The following PKHD1L1 variants were observed in gnomAD, a reference collection of about 807,000 sequenced individuals.
PKHD1L1 encodes the protein PKHD1 like 1, also known as fibrocystin-L.
A neutral mutation model predicts 462.9 loss-of-function variants in PKHD1L1; 434 were observed. The ratio of observed to expected loss-of-function variants is 0.94; its 90% CI spans 0.87 to 1.02. The LOEUF (loss-of-function observed/expected upper bound fraction) is 1.02. Ranked by LOEUF, PKHD1L1 falls within the 50% of genes least tolerant of loss-of-function variation. PKHD1L1 has a pLI of 0.00. For synonymous variants in PKHD1L1, 1,781 were observed against 1,750.0 expected, an observed-to-expected ratio of 1.02 and a Z score of -0.44; for missense variants, 5,202 against 5,096.1, an observed-to-expected ratio of 1.02 and a Z score of -0.63.
rs71305953 is a variant in PKHD1L1 at position 109,498,087 on chromosome 8, CTTTTTTTTTTTTTTTT to C, written c.10600-365_10600-350del. 5.1e-5 allele frequency among the ~76,000 whole-genome samples: 3 copies of C among 58,960 alleles called. 1 individual carries two copies. Among genetic ancestry groups the C allele is most frequent in the African/African-American group, 2.3e-4 (3 of 13,068 alleles). 38.7% of individuals were successfully genotyped at this position (58,960 alleles called of 152,430 possible). A position where few individuals can be genotyped will look rare whatever the true frequency, so the allele number is the denominator to read the frequency against. On this transcript the variant is annotated intron_variant, in intron 65 of 77. Coordinates refer to ENST00000378402, the MANE Select transcript of PKHD1L1 (RefSeq NM_177531.6). Reference sequence around the variant, plus strand: ...TTAGTACTATTCATTATCATGTTTTCTTTTTTTTTTTTTTTTTTTTTTTTTGAGACGGAGTCTCGCT... The same window carrying C: ...TTAGTACTATTCATTATCATGTTTTCTTTTTTTTTGAGACGGAGTCTCGCT...
rs200670244 is a variant in PKHD1L1, at chr8:109,523,336, C to T, written c.12434C>T (p.Pro4145Leu). ...VNGLSGNTTI[P>L]FSSCWANYTD... ...GGCCTTAGTGGAAATACAACAATTC[C>T]GTTTAGCAGCTGTTGGGCCAACTAC... The change falls in exon 76 of 78, where the codon CCG (proline) becomes CTG (leucine). Residue 4145 changes from proline (P) to leucine (L), a missense_variant. This residue lies in a region of PKHD1L1 where 698 missense variants were observed against 736.3 expected (regional missense o/e 0.95). Transcript: ENST00000378402. 7.9e-5 allele frequency: 128 copies of T among 1,613,006 alleles called. No homozygotes were observed. The African/African-American group carries it at 1.0e-3, about 13-fold the overall frequency.
intron 18 of PKHD1L1, among the ~76,000 whole-genome samples, chr8:109,408,590 G>T (rs913786906): frequency 2.0e-5 from 3 of 151,996 alleles, no homozygotes; most frequent in African/African-American, 7.3e-5. Context: ...ATAAAGTATT[G>T]GTTAGTTTAA....
intron 39 of PKHD1L1, among the ~76,000 whole-genome samples, chr8:109,448,626 C>T (rs1186276927): frequency 6.6e-6 from 1 of 151,624 alleles, no homozygotes; most frequent in Non-Finnish European, 1.5e-5. Context: ...ATTCTCCTGC[C>T]TCAGCCTCCC....
At chr8:109,383,222 A>T in intron 4 of PKHD1L1, among the ~76,000 whole-genome samples, 1 of 95,084 alleles carries the variant, frequency 1.1e-5, no homozygotes, top group East Asian at 2.5e-4. Context: ...ATATAATTAT[A>T]TATTATATAT....
rs1375916081 is a variant in PKHD1L1 at position 109,400,263 on chromosome 8, T to A, written c.1200T>A (p.Asp400Glu). The change falls in exon 13 of 78, where the codon GAT becomes GAA. Residue 400 changes from aspartate to glutamate, a missense_variant. Physicochemically the swap from Asp to Glu is conservative, Grantham distance 45 (BLOSUM62 2). This residue lies in a region of PKHD1L1 where 4,497 missense variants were observed against 4,336.8 expected (regional missense o/e 1.04). Transcript: ENST00000378402. ...TTAGTGGATTTTTGGTGGCTCCAGATTCTGATGTTTATAGATTCTACATCA... is the reference window on the plus strand; with the variant it reads ...TTAGTGGATTTTTGGTGGCTCCAGAATCTGATGTTTATAGATTCTACATCA... ...ARFSGFLVAP[D>E]SDVYRFYIKG... is the part of the protein sequence containing the mutation. 6.2e-7 allele frequency: 1 copy of A among 1,613,680 alleles called. No homozygotes were observed. The highest frequency in any genetic ancestry group is 8.5e-7 in the Non-Finnish European group (1 of 1,179,650).
chr8:109,399,555 A>G (rs191736967), intron 12 of PKHD1L1, among the ~76,000 whole-genome samples: 1 of 152,288 alleles, frequency 6.6e-6, no homozygotes, highest in Non-Finnish European at 1.5e-5. Flanking sequence ...ATCCTAGAGT[A>G]GAAGTAATGT....
At chr8:109,413,630 T>A in intron 21 of PKHD1L1, 85 bp downstream of exon 21, 1 of 1,218,892 alleles carries the variant, frequency 8.2e-7, no homozygotes, top group Non-Finnish European at 1.1e-6. Flanking sequence ...CTTGGGGTTT[T>A]TTGTTTTGGT....
At chr8:109,455,868 T>C (rs1002491481) in intron 45 of PKHD1L1, among the ~76,000 whole-genome samples, 1 of 152,168 alleles carries the variant, frequency 6.6e-6, no homozygotes, top group African/African-American at 2.4e-5. Context: ...ACTATGTAAT[T>C]TCTTAGAAAA....
rs757814557 is a variant in PKHD1L1 at position 109,480,091 on chromosome 8, A to G, written c.9279A>G (p.Glu3093=). The part of the protein sequence containing the change: ...LEDKYNVGAA[E]SSYREVVLNA... The stretch of plus-strand genomic sequence containing the variant: ...ATAAATACAATGTAGGAGCTGCAGA[A>G]TCTTCTTACAGAGAAGTTGTTTTGA... The change falls in exon 55 of 78, where the codon GAA becomes GAG. Residue 3093 remains glutamate (E), a synonymous_variant. Transcript: ENST00000378402. 9 of 1,579,556 alleles carry G rather than the reference A, an allele frequency of 5.7e-6. No individual in the cohort carries two copies. The East Asian group carries it at 2.1e-4, about 36-fold the overall frequency.
At chr8:109,383,475 TA>T (rs1299460828) in intron 4 of PKHD1L1, among the ~76,000 whole-genome samples, 1 of 130,416 alleles carries the variant, frequency 7.7e-6, no homozygotes, top group East Asian at 2.0e-4. Context: ...TAAATATATA[TA>T]AAACTATTTT....
intron 74 of PKHD1L1, 23 bp from the exon 75 acceptor site, chr8:109,522,721 G>T: frequency 6.3e-7 from 1 of 1,593,638 alleles, no homozygotes; most frequent in South Asian, 1.1e-5. Context: ...GAAGAAACCA[G>T]TTCATCCCTT....
At chr8:109,445,757 C>T (rs1816102839) in intron 38 of PKHD1L1, 112 bp downstream of exon 38, 12 of 1,131,876 alleles carry the variant, frequency 1.1e-5, no homozygotes, top group Non-Finnish European at 2.5e-6. Flanking sequence ...ATAAATGTTC[C>T]CACTTACACT....
chr8:109,408,228 A>G, intron 18 of PKHD1L1, 22 bp downstream of exon 18: 1 of 1,600,700 alleles, frequency 6.2e-7, no homozygotes, highest in Non-Finnish European at 8.5e-7. Flanking sequence ...GAATGTTTCT[A>G]CCACGCATTT....
chr8:109,498,936 G>A, intron 67 of PKHD1L1, 165 bp downstream of exon 67: 2 of 657,296 alleles, frequency 3.0e-6, no homozygotes, highest in East Asian at 2.8e-5. Context: ...TTTTGAGAAT[G>A]GTTTCTTGGC....
intron 58 of PKHD1L1, 86 bp downstream of exon 58, chr8:109,485,259 C>T (rs1467550195): frequency 1.2e-5 from 14 of 1,202,098 alleles, no homozygotes; most frequent in South Asian, 1.1e-4. Context: ...TTTGATAAAA[C>T]ATGTCACAAA....
chr8:109,369,944 G>A (rs1250136155), intron 2 of PKHD1L1, among the ~76,000 whole-genome samples: 2 of 152,028 alleles, frequency 1.3e-5, no homozygotes, highest in African/African-American at 4.8e-5. Flanking sequence ...ATTTGGTTAA[G>A]CTTAGAGGAA....
At chr8:109,491,347 TA>T (rs1818816035) in intron 61 of PKHD1L1, among the ~76,000 whole-genome samples, 1 of 151,876 alleles carries the variant, frequency 6.6e-6, no homozygotes, top group Non-Finnish European at 1.5e-5. Flanking sequence ...TTGTACTTAA[TA>T]TACATTTAAA....
chr8:109,374,943 T>A (rs1479091346), intron 2 of PKHD1L1, among the ~76,000 whole-genome samples: 1 of 152,240 alleles, frequency 6.6e-6, no homozygotes, highest in Non-Finnish European at 1.5e-5. Flanking sequence ...ATTTTTTCCT[T>A]CATTTCAACT....
intron 9 of PKHD1L1, 48 bp from the exon 10 acceptor site, chr8:109,394,365 TCC>T: frequency 8.3e-7 from 1 of 1,203,204 alleles, no homozygotes; most frequent in Non-Finnish European, 1.2e-6. Flanking sequence ...AAAAAAATGT[TCC>T]TAAATTAAAG....
Sources: allele counts gnomAD v4.1 joint callset (sites outside exome capture counted in the v4.1 genomes callset), GRCh38; gene constraint gnomAD v4.1.1; regional missense constraint gnomAD v4.1.1; transcripts MANE v1.5; gene names NCBI Gene and HGNC (gene_info 2026-07-23, HGNC 2026-07-21).